The following ZNF248 variants were observed in gnomAD, a reference collection of about 807,000 sequenced individuals.
The protein encoded by ZNF248 is zinc finger protein 248.
ZNF248 carries 20 observed loss-of-function variants against 44.3 expected under a neutral mutation model. The ratio of observed to expected loss-of-function variants is 0.45; its 90% CI spans 0.32 to 0.66. The LOEUF (loss-of-function observed/expected upper bound fraction) is 0.66. ZNF248 is among the 30% of genes least tolerant of loss of function. The pLI is 0.04. For synonymous variants in ZNF248, 224 were observed against 229.0 expected (o/e 0.98, Z 0.20); for missense variants, 654 against 677.0 (o/e 0.97, Z 0.38).
the ZNF248 span, among the ~76,000 whole-genome samples, chr10:37,763,935 T>C: frequency 1.3e-5 from 2 of 152,192 alleles, no homozygotes; most frequent in African/African-American, 4.8e-5. Context: ...GCTGAGGATG[T>C]ATGTTGCCTC....
chr10:37,838,076 G>A lies in ZNF248; in HGVS notation c.51C>T (p.Phe17=). ...CCAGCAGATACCACTCTTCCTGAGTGAAGTCCACACATACATCCTTGAATG... is the reference window on the plus strand; with the variant it reads ...CCAGCAGATACCACTCTTCCTGAGTAAAGTCCACACATACATCCTTGAATG... ...QVSFKDVCVD[F]TQEEWYLLDP... Residue 17 remains phenylalanine (F), a synonymous_variant, in exon 4 of 6, where the codon TTC becomes TTT. Transcript: ENST00000395867. 1 of 1,613,314 alleles carries A rather than the reference G, an allele frequency of 6.2e-7. No homozygotes were observed. Among genetic ancestry groups the A allele is most frequent in the Non-Finnish European group, 8.5e-7 (1 of 1,179,510 alleles).
chr10:37,804,872 G>T (rs936463292), intron 6 of ZNF248, among the ~76,000 whole-genome samples: 1 of 152,062 alleles, frequency 6.6e-6, no homozygotes, highest in Non-Finnish European at 1.5e-5. Context: ...TTCTTTAATA[G>T]CTAAATAATT....
rs150471141 is a variant in ZNF248, at chr10:37,843,785, G to T, written c.16-5674C>A. Among the ~76,000 whole-genome samples the T allele has an allele frequency of 2.9e-3, 436 of 152,150 alleles. 2 individuals are homozygous for T. The highest frequency in any genetic ancestry group is 1.0e-2 in the African/African-American group (413 of 41,498). ...ACCGAAATTTAAAAATCCACTAGAG[G>T]TTTTAACAACCCATTTGAACAGACA... On this transcript the variant is annotated intron_variant, in intron 3 of 5. Transcript: ENST00000395867.
At chr10:37,793,094 G>T (rs772082601) in intron 6 of ZNF248, among the ~76,000 whole-genome samples, 15 of 152,108 alleles carry the variant, frequency 9.9e-5, no homozygotes, top group Non-Finnish European at 1.6e-4. Context: ...AGCACTTTGG[G>T]AGGCTGCGGC....
rs181515911 is a variant in ZNF248 at position 37,783,539 on chromosome 10, T to C, written c.331-6964A>G. ...AAGATTTTGTCAAAGTTAAAAACTT[T>C]TGTGCATCAAATGATGTTATCAAGA... On this transcript the variant is annotated intron_variant, in intron 6 of 6. Transcript: ENST00000615949. Among the ~76,000 whole-genome samples the C allele has an allele frequency of 8.9e-4, 136 of 152,344 alleles. 1 individual carries two copies. The highest frequency in any genetic ancestry group is 3.2e-3 in the African/African-American group (133 of 41,588).
At chr10:37,799,357 G>A (rs570561737) in intron 6 of ZNF248, among the ~76,000 whole-genome samples, 1 of 152,130 alleles carries the variant, frequency 6.6e-6, no homozygotes, top group Admixed American at 6.6e-5. Flanking sequence ...TCAAGAGATC[G>A]AGACCATCCT....
intron 6 of ZNF248, among the ~76,000 whole-genome samples, chr10:37,808,656 T>G (rs182253522): frequency 1.3e-5 from 2 of 152,292 alleles, no homozygotes; most frequent in East Asian, 3.9e-4. Flanking sequence ...GCATTAGGGT[T>G]CATAAGGGAT....
At chr10:37,855,210 T>C (rs961737319) in intron 3 of ZNF248, among the ~76,000 whole-genome samples, 1 of 152,198 alleles carries the variant, frequency 6.6e-6, no homozygotes, top group Non-Finnish European at 1.5e-5. Flanking sequence ...TCTGGGACTG[T>C]CCCAATATAT....
intron 5 of ZNF248, among the ~76,000 whole-genome samples, chr10:37,837,303 C>T (rs1299415920): frequency 3.3e-5 from 5 of 151,970 alleles, no homozygotes; most frequent in East Asian, 3.9e-4. Context: ...TTAGTAGAGA[C>T]GGGGTTTCAC....
intron 6 of ZNF248, among the ~76,000 whole-genome samples, chr10:37,814,370 C>T (rs547245560): frequency 2.6e-5 from 4 of 152,310 alleles, no homozygotes; most frequent in South Asian, 2.1e-4. Flanking sequence ...AACATTTTTA[C>T]GCATTAGTCT....
chr10:37,848,987 C>T (rs2059775201), intron 3 of ZNF248, among the ~76,000 whole-genome samples: 1 of 152,076 alleles, frequency 6.6e-6, no homozygotes, highest in South Asian at 2.1e-4. Context: ...ACCAAGATGA[C>T]TAGAAATGAA....
At chr10:37,779,381 A>C (rs1417863731) in intron 6 of ZNF248, among the ~76,000 whole-genome samples, 1 of 152,152 alleles carries the variant, frequency 6.6e-6, no homozygotes, top group Non-Finnish European at 1.5e-5. Context: ...AATAAATGTA[A>C]TCCAGCATAT....
At chr10:37,773,379 CA>C (rs1369430441), downstream of ZNF248, among the ~76,000 whole-genome samples, 1 of 152,114 alleles carries the variant, frequency 6.6e-6, no homozygotes, top group Non-Finnish European at 1.5e-5. Context: ...GAATGGCTAT[CA>C]AAAAACAGAA....
chr10:37,776,657 G>A, intron 6 of ZNF248: 1 of 393,176 alleles, frequency 2.5e-6, no homozygotes, highest in East Asian at 3.6e-5. Context: ...AACTCTGAAG[G>A]CACTGACTAT....
chr10:37,825,909 A>G (rs9418293), downstream of ZNF248, among the ~76,000 whole-genome samples: 20,014 of 150,334 alleles, frequency 0.13, 1,426 homozygotes, highest in Admixed American at 0.2. Context: ...AAAAAAAAAA[A>G]GGGGGGGAGA....
chr10:37,817,734 A>G, intron 6 of ZNF248, among the ~76,000 whole-genome samples: 1 of 152,154 alleles, frequency 6.6e-6, no homozygotes, highest in African/African-American at 2.4e-5. Context: ...GGGATAAAAC[A>G]CTAACTCTAG....
At chr10:37,766,255 G>C in the ZNF248 span, among the ~76,000 whole-genome samples, 3 of 152,332 alleles carry the variant, frequency 2.0e-5, no homozygotes, top group South Asian at 6.2e-4. Flanking sequence ...GCTTTGAAGA[G>C]AGTAGTGGTT....
chr10:37,767,962 G>T, the ZNF248 span, among the ~76,000 whole-genome samples: 26 of 152,140 alleles, frequency 1.7e-4, no homozygotes, highest in Admixed American at 1.6e-3. Context: ...CAAAAAAAGG[G>T]AGGGGTTGCA....
the ZNF248 span, among the ~76,000 whole-genome samples, chr10:37,770,537 A>G: frequency 6.6e-6 from 1 of 152,200 alleles, no homozygotes; most frequent in Non-Finnish European, 1.5e-5. Context: ...TTCCCTATTT[A>G]ATAAATGGTG....
Sources: gnomAD v4.1 joint callset for allele counts (sites outside exome capture counted in the v4.1 genomes callset) on GRCh38, gnomAD v4.1.1 for gene constraint, MANE v1.5 for transcripts, NCBI Gene and HGNC (gene_info 2026-07-23, HGNC 2026-07-21) for gene names.